Variants in KHDRBS2 observed in about 807,000 individuals in gnomAD.
KHDRBS2 encodes KH domain-containing, RNA-binding, signal transduction-associated protein 2.
A neutral mutation model predicts 44.3 loss-of-function variants in KHDRBS2; 26 were observed. The ratio of observed to expected loss-of-function variants is 0.59; its 90% CI spans 0.43 to 0.81. The LOEUF (loss-of-function observed/expected upper bound fraction) is 0.81. Ranked by LOEUF, KHDRBS2 falls within the 40% of genes least tolerant of loss-of-function variation. KHDRBS2 has a pLI of 0.00. For missense variants in KHDRBS2, 476 were observed against 433.1 expected, an observed-to-expected ratio of 1.10 and a Z score of -0.88; for synonymous variants, 194 against 151.1, an observed-to-expected ratio of 1.28 and a Z score of -2.08.
chr6:61,597,730 T>TATATATATATA, the KHDRBS2 span, among the ~76,000 whole-genome samples: 25 of 31,330 alleles, frequency 8.0e-4, no homozygotes, highest in Non-Finnish European at 1.1e-3. Context: ...ATTTTGCACC[T>TATATATATATA]TTTATATATA....
At chr6:62,231,114 C>T (rs1236533319) in intron 1 of KHDRBS2, among the ~76,000 whole-genome samples, 2 of 152,048 alleles carry the variant, frequency 1.3e-5, no homozygotes, top group African/African-American at 2.4e-5. Context: ...ATTAGAAATG[C>T]CTTGTTTTTA....
At chr6:61,886,522 A>G (rs1384094652) in intron 6 of KHDRBS2, among the ~76,000 whole-genome samples, 2 of 152,046 alleles carry the variant, frequency 1.3e-5, no homozygotes, top group African/African-American at 2.4e-5. Context: ...CATAGTTTCT[A>G]TTTGGTACTT....
chr6:62,121,931 A>G (rs1807749549), intron 2 of KHDRBS2, among the ~76,000 whole-genome samples: 1 of 152,140 alleles, frequency 6.6e-6, no homozygotes, highest in East Asian at 1.9e-4. Context: ...AAGGCGAAGG[A>G]TAAGTTGCTG....
chr6:61,937,799 T>G (rs1202072972), intron 4 of KHDRBS2, among the ~76,000 whole-genome samples: 3 of 152,090 alleles, frequency 2.0e-5, no homozygotes, highest in Admixed American at 1.3e-4. Flanking sequence ...TTAAACTCTA[T>G]CCTTTAAGGC....
At chr6:61,759,755 T>C (rs1473368082) in intron 6 of KHDRBS2, among the ~76,000 whole-genome samples, 3 of 152,344 alleles carry the variant, frequency 2.0e-5, no homozygotes, top group South Asian at 2.1e-4. Context: ...GGCCCTCTGA[T>C]ACAATGATGA....
At chr6:61,642,651 A>G in the KHDRBS2 span, among the ~76,000 whole-genome samples, 2 of 120,044 alleles carry the variant, frequency 1.7e-5, no homozygotes, top group Non-Finnish European at 3.6e-5. Context: ...ACAGAGTGAG[A>G]CTCCACATCA....
the KHDRBS2 span, among the ~76,000 whole-genome samples, chr6:61,637,186 C>A: frequency 6.6e-6 from 1 of 151,978 alleles, no homozygotes; most frequent in South Asian, 2.1e-4. Context: ...CACCCCTGTC[C>A]CCCCACCCCA....
intron 6 of KHDRBS2, among the ~76,000 whole-genome samples, chr6:61,830,161 C>A (rs1191415416): frequency 6.6e-6 from 1 of 152,104 alleles, no homozygotes; most frequent in Admixed American, 6.5e-5. Flanking sequence ...ATTCTCCAAG[C>A]AGACAATACT....
chr6:61,655,227 C>CAT, the KHDRBS2 span, among the ~76,000 whole-genome samples: 27 of 81,748 alleles, frequency 3.3e-4, no homozygotes, highest in South Asian at 2.2e-3. Flanking sequence ...TACATACATA[C>CAT]ACACACACAC....
At chr6:61,665,210 T>C in the KHDRBS2 span, among the ~76,000 whole-genome samples, 1 of 151,548 alleles carries the variant, frequency 6.6e-6, no homozygotes, top group Non-Finnish European at 1.5e-5. Flanking sequence ...GAAATTAAAA[T>C]AGAAGAAAAT....
chr6:61,641,122 C>T, the KHDRBS2 span, among the ~76,000 whole-genome samples: 1 of 152,096 alleles, frequency 6.6e-6, no homozygotes, highest in Non-Finnish European at 1.5e-5. Context: ...GCTCTTCCCT[C>T]CATTGTCAGA....
At chr6:61,697,783 A>G (rs1381616200) in intron 7 of KHDRBS2, among the ~76,000 whole-genome samples, 1 of 152,102 alleles carries the variant, frequency 6.6e-6, no homozygotes. Context: ...AATAACTGTC[A>G]AAGGTGTTCT....
the KHDRBS2 span, among the ~76,000 whole-genome samples, chr6:61,652,472 C>A: frequency 1.3e-5 from 2 of 151,632 alleles, no homozygotes; most frequent in African/African-American, 4.8e-5. Context: ...TAAACTTATT[C>A]ACTTTATGTG....
intron 6 of KHDRBS2, among the ~76,000 whole-genome samples, chr6:61,814,931 A>G (rs532681634): frequency 1.3e-5 from 2 of 152,270 alleles, no homozygotes; most frequent in East Asian, 1.9e-4. Flanking sequence ...ATGGTAAAGT[A>G]TTTGTATATA....
At chr6:61,584,759 T>C in the KHDRBS2 span, among the ~76,000 whole-genome samples, 1 of 151,884 alleles carries the variant, frequency 6.6e-6, no homozygotes. Flanking sequence ...TATTGACCCT[T>C]AGTGAACAGA....
the KHDRBS2 span, among the ~76,000 whole-genome samples, chr6:61,644,525 G>A: frequency 6.6e-6 from 1 of 152,064 alleles, no homozygotes; most frequent in East Asian, 1.9e-4. Flanking sequence ...ACAACCTACA[G>A]AATGGGAGAA....
chr6:61,615,025 G>A, the KHDRBS2 span, among the ~76,000 whole-genome samples: 1 of 151,898 alleles, frequency 6.6e-6, no homozygotes, highest in Non-Finnish European at 1.5e-5. Flanking sequence ...TCTGAGGTCA[G>A]GAGTTTGAGA....
intron 4 of KHDRBS2, among the ~76,000 whole-genome samples, chr6:61,958,597 G>A (rs1257257201): frequency 6.6e-6 from 1 of 152,086 alleles, no homozygotes; most frequent in African/African-American, 2.4e-5. Context: ...CCTTGAATTT[G>A]CATCACTCGG....
chr6:61,793,317 C>A (rs1784877532), intron 6 of KHDRBS2, among the ~76,000 whole-genome samples: 1 of 151,910 alleles, frequency 6.6e-6, no homozygotes, highest in Non-Finnish European at 1.5e-5. Context: ...ATATATATGT[C>A]ATTGTGTAGG....
Sources: allele counts gnomAD v4.1 joint callset (sites outside exome capture counted in the v4.1 genomes callset), GRCh38; gene constraint gnomAD v4.1.1; transcripts MANE v1.5; gene names NCBI Gene and HGNC (gene_info 2026-07-23, HGNC 2026-07-21).